The following MALAT1 variants were observed in gnomAD, a reference collection of about 807,000 sequenced individuals.
The protein encoded by MALAT1 is metastasis associated lung adenocarcinoma transcript 1, also known as hepcarcin.
chr11:65,501,583 T>G (rs760698782), exon 3 of MALAT1: 6 of 518,682 alleles, frequency 1.2e-5, no homozygotes, highest in Admixed American at 1.9e-5. Context: ...TTTTCTAAGA[T>G]TTTCCACAGA....
exon 3 of MALAT1, chr11:65,500,714 C>A: frequency 1.9e-6 from 1 of 518,978 alleles, no homozygotes; most frequent in Non-Finnish European, 3.8e-6. Context: ...CGTAGAGGAT[C>A]CTAGACCAGC....
chr11:65,501,479 A>G (rs771750198), exon 3 of MALAT1: 1 of 515,924 alleles, frequency 1.9e-6, no homozygotes, highest in Non-Finnish European at 3.9e-6. Flanking sequence ...ATCAGACTTT[A>G]AAAGTGCTTA....
At chr11:65,498,722 A>G (rs776616388) in exon 2 of MALAT1, 1 of 518,678 alleles carries the variant, frequency 1.9e-6, no homozygotes, top group Non-Finnish European at 3.8e-6. Context: ...GAACACAAGA[A>G]GTGCTTTAAG....
exon 3 of MALAT1, chr11:65,499,063 C>A (rs373733194): frequency 1.4e-5 from 7 of 517,936 alleles, no homozygotes; most frequent in Non-Finnish European, 2.7e-5. Context: ...AGGCAGCCAG[C>A]GCAGGGGCTT....
exon 3 of MALAT1, chr11:65,499,031 C>A: frequency 1.9e-6 from 1 of 518,604 alleles, no homozygotes; most frequent in South Asian, 1.4e-5. Context: ...TACGCCTCGC[C>A]CGAGCTGTGC....
intron 3 of MALAT1, chr11:65,505,775 ATAATACT>A: frequency 1.9e-6 from 1 of 518,214 alleles, no homozygotes; most frequent in African/African-American, 1.9e-5. Context: ...TAGCTCTATT[ATAATACT>A]TATCCAGTGA....
chr11:65,500,894 G>C lies in MALAT1; in HGVS notation n.2157G>C, dbSNP rs756483055. ...AGGGATTTATATGGGGACGTAGGCCGATTTCCGGGTGTTGTAGGTTTCTCT... is the reference window on the plus strand; with the variant it reads ...AGGGATTTATATGGGGACGTAGGCCCATTTCCGGGTGTTGTAGGTTTCTCT... On this transcript the variant is annotated non_coding_transcript_exon_variant, in exon 3 of 4. Transcript: ENST00000619449. 3 of 515,840 alleles carry C rather than the reference G, an allele frequency of 5.8e-6. No homozygotes were observed. In the Admixed American group the frequency reaches 5.9e-5, roughly 10 times the overall value. The allele number at this position is 515,840 out of a possible 1,614,324, so 32.0% of individuals were successfully genotyped here. A position where few individuals can be genotyped will look rare whatever the true frequency, so the allele number is the denominator to read the frequency against.
At chr11:65,504,468 T>TG (rs1565056089) in intron 3 of MALAT1, 1 of 518,976 alleles carries the variant, frequency 1.9e-6, no homozygotes, top group Non-Finnish European at 3.8e-6. Flanking sequence ...CCCCAATGCT[T>TG]GGAGTAGTGA....
intron 1 of MALAT1, chr11:65,498,091 CAT>C (rs755848200): frequency 6.7e-5 from 35 of 518,860 alleles, no homozygotes; most frequent in Non-Finnish European, 6.2e-5. Flanking sequence ...CCTAACCAGG[CAT>C]AACACAGAAT....
At chr11:65,499,068 G>C (rs558375568) in exon 3 of MALAT1, 1 of 518,082 alleles carries the variant, frequency 1.9e-6, no homozygotes, top group Admixed American at 1.9e-5. Flanking sequence ...GCCAGCGCAG[G>C]GGCTTCTGCT....
intron 3 of MALAT1, chr11:65,506,145 C>T (rs1296369560): frequency 2.5e-6 from 1 of 405,558 alleles, no homozygotes; most frequent in South Asian, 1.9e-5. Flanking sequence ...TCCTGGTTTC[C>T]AGGACGGGGT....
At chr11:65,504,059 A>G (rs773118707) in intron 3 of MALAT1, 21 of 518,116 alleles carry the variant, frequency 4.1e-5, no homozygotes, top group Non-Finnish European at 6.6e-5. Context: ...GTGGTAGGCA[A>G]TGTTTTACAC....
intron 3 of MALAT1, chr11:65,504,626 G>C (rs1854635308): frequency 1.9e-6 from 1 of 518,962 alleles, no homozygotes; most frequent in Non-Finnish European, 3.8e-6. Context: ...TTCTGGTGGT[G>C]GGAGGGGACT....
chr11:65,499,327 G>A (rs1854482880), exon 3 of MALAT1: 2 of 503,150 alleles, frequency 4.0e-6, no homozygotes, highest in Non-Finnish European at 7.9e-6. Flanking sequence ...GCTTCTTCAT[G>A]GAGTAAAAAA....
chr11:65,499,484 C>A, exon 3 of MALAT1: 1 of 464,892 alleles, frequency 2.2e-6, no homozygotes, highest in East Asian at 5.9e-5. Context: ...AATTTGAAGG[C>A]GATCTTTTAA....
At chr11:65,502,926 G>A in exon 3 of MALAT1, 1 of 493,836 alleles carries the variant, frequency 2.0e-6, no homozygotes, top group Non-Finnish European at 4.0e-6. Flanking sequence ...ATGAATTGAT[G>A]AGAAATACAA....
exon 3 of MALAT1, chr11:65,499,256 A>AG (rs1329624878): frequency 1.9e-6 from 1 of 513,078 alleles, no homozygotes; most frequent in Non-Finnish European, 3.9e-6. Flanking sequence ...AAGACTTAGA[A>AG]GAGTAGCATG....
chr11:65,500,812 A>G, exon 3 of MALAT1: 1 of 518,952 alleles, frequency 1.9e-6, no homozygotes, highest in South Asian at 1.4e-5. Context: ...GAACTTACTT[A>G]TGGTAACCTT....
chr11:65,504,716 T>C (rs1276214196), intron 3 of MALAT1: 1 of 518,944 alleles, frequency 1.9e-6, no homozygotes, highest in East Asian at 5.4e-5. Flanking sequence ...CTTCAAGAAA[T>C]TAAACTGGCA....
Sources: allele counts gnomAD v4.1 joint callset, GRCh38; gene constraint gnomAD v4.1.1; transcripts MANE v1.5; gene names NCBI Gene and HGNC (gene_info 2026-07-23, HGNC 2026-07-21).